AFF3: variants seen among roughly 807,000 people sequenced by gnomAD.
The protein encoded by AFF3 is ALF transcription elongation factor 3.
A neutral mutation model predicts 129.7 loss-of-function variants in AFF3; 32 were observed. The ratio of observed to expected loss-of-function variants is 0.25; its 90% CI spans 0.19 to 0.33. The LOEUF (loss-of-function observed/expected upper bound fraction) is 0.33, where lower values mean the gene tolerates loss of function less well. AFF3 is among the 10% of genes least tolerant of loss of function. The pLI is 1.00. For missense variants in AFF3, 1,373 were observed against 1,592.0 expected, an observed-to-expected ratio of 0.86 and a Z score of 2.34; for synonymous variants, 644 against 635.4, an observed-to-expected ratio of 1.01 and a Z score of -0.20.
intron 7 of AFF3, among the ~76,000 whole-genome samples, chr2:99,908,545 C>T (rs1694884621): frequency 2.0e-5 from 3 of 152,124 alleles, no homozygotes; most frequent in African/African-American, 4.8e-5. Context: ...AGGCAACCTA[C>T]AGAATGGGAG....
intron 8 of AFF3, among the ~76,000 whole-genome samples, chr2:99,813,879 G>A (rs1392173954): frequency 2.0e-5 from 3 of 152,196 alleles, no homozygotes; most frequent in Admixed American, 2.0e-4. Context: ...CTAAACACAT[G>A]GCTGCTGACC....
chr2:100,032,089 T>C (rs536293502), intron 4 of AFF3, among the ~76,000 whole-genome samples: 3 of 152,270 alleles, frequency 2.0e-5, no homozygotes, highest in South Asian at 2.1e-4. Flanking sequence ...GAATTCAGCA[T>C]ATAGTTACCT....
At chr2:99,734,986 T>C (rs1680129510) in intron 10 of AFF3, among the ~76,000 whole-genome samples, 1 of 152,216 alleles carries the variant, frequency 6.6e-6, no homozygotes, top group Non-Finnish European at 1.5e-5. Flanking sequence ...TAAAAATGTC[T>C]AGCCTTGAAA....
At chr2:100,060,999 A>G (rs559571891) in intron 4 of AFF3, among the ~76,000 whole-genome samples, 2 of 152,220 alleles carry the variant, frequency 1.3e-5, no homozygotes, top group Admixed American at 6.5e-5. Context: ...ATATCCCTCA[A>G]TGTAGGTTTG....
At chr2:99,826,483 T>G (rs996557728) in intron 8 of AFF3, among the ~76,000 whole-genome samples, 1 of 152,152 alleles carries the variant, frequency 6.6e-6, no homozygotes, top group Non-Finnish European at 1.5e-5. Context: ...AACTCAGACT[T>G]TGGGAATCAC....
chr2:99,621,604 A>G (rs1682021992), intron 13 of AFF3, among the ~76,000 whole-genome samples: 1 of 152,228 alleles, frequency 6.6e-6, no homozygotes, highest in Admixed American at 6.5e-5. Flanking sequence ...CAGAAGGCAC[A>G]AGGTTAATCA....
chr2:99,978,550 A>C (rs547996644), intron 7 of AFF3, among the ~76,000 whole-genome samples: 2 of 152,342 alleles, frequency 1.3e-5, no homozygotes, highest in African/African-American at 4.8e-5. Flanking sequence ...TTCTCCCCCC[A>C]GACAAACCCA....
intron 7 of AFF3, among the ~76,000 whole-genome samples, chr2:99,861,164 G>T (rs929347928): frequency 4.6e-5 from 7 of 152,210 alleles, no homozygotes; most frequent in South Asian, 2.1e-4. Flanking sequence ...CAGATTTTCA[G>T]CAATGTTGCC....
rs1036167533 is a variant in AFF3 at position 99,547,572 on chromosome 2, T to A, written c.*3902A>T. The A allele has an allele frequency of 2.9e-5, 6 of 204,020 alleles. No homozygotes were observed. The highest frequency in any genetic ancestry group is 6.9e-5 in the African/African-American group (3 of 43,638). 12.6% of individuals were successfully genotyped at this position (204,020 alleles called of 1,614,324 possible). A position where few individuals can be genotyped will look rare whatever the true frequency, so the allele number is the denominator to read the frequency against. ...GAAAAATGTTATTTAAAAATATATA[T>A]GTATATGCTACTGCACAGTTTCAAA... On this transcript the variant is annotated 3_prime_UTR_variant, in exon 25 of 25. Coordinates refer to ENST00000672756, the MANE Select transcript of AFF3 (RefSeq NM_001386135.1).
At chr2:99,582,775 G>A in intron 17 of AFF3, 23 bp downstream of exon 17, 1 of 1,612,758 alleles carries the variant, frequency 6.2e-7, no homozygotes, top group Non-Finnish European at 8.5e-7. Context: ...GTTTTAATTG[G>A]GAAAGGAAGA....
intron 7 of AFF3, among the ~76,000 whole-genome samples, chr2:99,988,669 T>A (rs1337563132): frequency 1.3e-5 from 2 of 152,202 alleles, no homozygotes. Context: ...TCGAGGGGGC[T>A]GATAAGCGTG....
At chr2:99,764,837 C>G (rs1483487745) in intron 8 of AFF3, among the ~76,000 whole-genome samples, 1 of 152,092 alleles carries the variant, frequency 6.6e-6, no homozygotes, top group Non-Finnish European at 1.5e-5. Context: ...CTGCTAGTTT[C>G]TGGCACTCCT....
At chr2:100,016,776 G>A (rs1406904625) in intron 4 of AFF3, among the ~76,000 whole-genome samples, 1 of 151,498 alleles carries the variant, frequency 6.6e-6, no homozygotes, top group Non-Finnish European at 1.5e-5. Flanking sequence ...AGTGATGGTG[G>A]TGGTGGTAGT....
chr2:99,584,573 G>A (rs1304099966), intron 16 of AFF3, among the ~76,000 whole-genome samples: 1 of 152,210 alleles, frequency 6.6e-6, no homozygotes, highest in East Asian at 1.9e-4. Context: ...TACTGTCTGT[G>A]CTTGAATGTA....
At chr2:99,714,710 A>G (rs1307439631) in intron 11 of AFF3, among the ~76,000 whole-genome samples, 1 of 152,194 alleles carries the variant, frequency 6.6e-6, no homozygotes, top group East Asian at 1.9e-4. Context: ...ACACTACTCT[A>G]TGATCAGTTT....
At chr2:100,001,461 C>T (rs367573323) in intron 7 of AFF3, among the ~76,000 whole-genome samples, 1 of 152,230 alleles carries the variant, frequency 6.6e-6, no homozygotes, top group Non-Finnish European at 1.5e-5. Flanking sequence ...CGGAGTCTCA[C>T]TCTGTCGCCC....
intron 2 of AFF3, among the ~76,000 whole-genome samples, chr2:100,120,434 G>A (rs971740099): frequency 6.6e-6 from 1 of 151,998 alleles, no homozygotes; most frequent in East Asian, 1.9e-4. Flanking sequence ...CTTAGGAAAG[G>A]TTTTCTTTTT....
chr2:100,053,772 T>C (rs1209894236), intron 4 of AFF3, among the ~76,000 whole-genome samples: 1 of 152,194 alleles, frequency 6.6e-6, no homozygotes, highest in African/African-American at 2.4e-5. Context: ...GAAATCTGCC[T>C]GACATCCCTC....
intron 4 of AFF3, among the ~76,000 whole-genome samples, chr2:100,037,716 A>T (rs1245666087): frequency 3.9e-5 from 5 of 127,184 alleles, no homozygotes; most frequent in African/African-American, 5.9e-5. Context: ...ATATTTATAT[A>T]TTATATATAT....
Sources: allele counts gnomAD v4.1 joint callset (sites outside exome capture counted in the v4.1 genomes callset), GRCh38; gene constraint gnomAD v4.1.1; transcripts MANE v1.5; gene names NCBI Gene and HGNC (gene_info 2026-07-23, HGNC 2026-07-21).